TSPAN5: variants seen among roughly 807,000 people sequenced by gnomAD.
TSPAN5 encodes the protein tetraspanin-5.
Under a neutral mutation model 37.1 loss-of-function variants are expected in TSPAN5, and 10 were observed. The ratio of observed to expected loss-of-function variants is 0.27; its 90% CI spans 0.17 to 0.46. The LOEUF (loss-of-function observed/expected upper bound fraction) is 0.46. Ranked by LOEUF, TSPAN5 falls within the 20% of genes least tolerant of loss-of-function variation. TSPAN5 has a pLI of 1.00. For synonymous variants in TSPAN5, 110 were observed against 118.9 expected, an observed-to-expected ratio of 0.93 and a Z score of 0.48; for missense variants, 195 against 326.6, an observed-to-expected ratio of 0.60 and a Z score of 3.11.
intron 7 of TSPAN5, among the ~76,000 whole-genome samples, chr4:98,473,681 G>C (rs1025144896): frequency 2.0e-5 from 3 of 152,100 alleles, no homozygotes; most frequent in Admixed American, 6.5e-5. Context: ...GGATGGTCTC[G>C]ATCTCCTGAC....
intron 1 of TSPAN5, among the ~76,000 whole-genome samples, chr4:98,647,031 C>T (rs1413965851): frequency 1.3e-5 from 2 of 152,142 alleles, no homozygotes. Context: ...AGGTCACAAG[C>T]TTGGGAACAT....
intron 1 of TSPAN5, among the ~76,000 whole-genome samples, chr4:98,553,309 A>G (rs547318621): frequency 6.6e-6 from 1 of 152,340 alleles, no homozygotes; most frequent in East Asian, 1.9e-4. Flanking sequence ...TCAAGGCTAA[A>G]ACTCTAAATT....
chr4:98,628,800 T>A (rs1436224697), intron 1 of TSPAN5, among the ~76,000 whole-genome samples: 1 of 152,174 alleles, frequency 6.6e-6, no homozygotes, highest in Non-Finnish European at 1.5e-5. Context: ...TGCTGATATA[T>A]CAAAACTGAG....
chr4:98,521,307 A>C (rs770151666), intron 1 of TSPAN5, among the ~76,000 whole-genome samples: 39 of 152,322 alleles, frequency 2.6e-4, no homozygotes, highest in Non-Finnish European at 4.9e-4. Flanking sequence ...TGAAAGATTC[A>C]GTGTTTCTTT....
intron 3 of TSPAN5, among the ~76,000 whole-genome samples, chr4:98,485,762 CTTTTTTTTTT>C (rs766494512): frequency 1.2e-5 from 1 of 86,602 alleles, no homozygotes; most frequent in Non-Finnish European, 2.3e-5. Context: ...CTTGGATATG[CTTTTTTTTTT>C]TTTTTTTTTT....
At chr4:98,474,534 G>C (rs529795469) in intron 7 of TSPAN5, among the ~76,000 whole-genome samples, 1 of 151,746 alleles carries the variant, frequency 6.6e-6, no homozygotes, top group South Asian at 2.1e-4. Context: ...ATTTTGTAGA[G>C]ACAGGGTTTT....
At chr4:98,472,707 A>G in intron 7 of TSPAN5, 120 bp from the exon 8 acceptor site, 1 of 797,160 alleles carries the variant, frequency 1.3e-6, no homozygotes, top group Non-Finnish European at 2.0e-6. Context: ...CATATGTGGT[A>G]AAAAGCATCC....
chr4:98,507,755 T>C (rs200909785), intron 1 of TSPAN5, 27 bp from the exon 2 acceptor site: 2 of 1,565,432 alleles, frequency 1.3e-6, no homozygotes, highest in African/African-American at 1.4e-5. Flanking sequence ...GCAGTGTAAA[T>C]ATAAGGGAAA....
At chr4:98,592,448 T>TTTTTA (rs1755667937) in intron 1 of TSPAN5, among the ~76,000 whole-genome samples, 1 of 127,166 alleles carries the variant, frequency 7.9e-6, no homozygotes, top group African/African-American at 3.0e-5. Context: ...TTTTTTTTTT[T>TTTTTA]ATTATACTCT....
In TSPAN5 at chr4:98,612,991, C is replaced by T. The variant is rs147677915; in HGVS notation, c.81+45155G>A. ...ACAATTTACAATTATGGTTTTTTCC[C>T]CCTGCAGTGTTTATCATCTGGCTTC... is the stretch of plus-strand genomic sequence containing the variant. On this transcript the variant is annotated intron_variant, in intron 1 of 7. Transcript: ENST00000305798. Among the ~76,000 whole-genome samples, 608 of 152,186 alleles carry T rather than the reference C, an allele frequency of 4.0e-3. 4 individuals are homozygous for T. Among genetic ancestry groups the T allele is most frequent in the African/African-American group, 0.014 (578 of 41,516 alleles).
At chr4:98,563,714 CA>C (rs1284300909) in intron 1 of TSPAN5, among the ~76,000 whole-genome samples, 1 of 152,176 alleles carries the variant, frequency 6.6e-6, no homozygotes, top group Non-Finnish European at 1.5e-5. Flanking sequence ...GCTGTAATGG[CA>C]AAGAATGCTA....
rs535381459 is a variant in TSPAN5, at chr4:98,599,918, G to A, written c.81+58228C>T. On this transcript the variant is annotated intron_variant, in intron 1 of 7. Transcript: ENST00000305798. ...ACATACAAGTCTTTTTTGTGGACAT[G>A]TTTTAACTTATCTTGGGTAACTACT... Among the ~76,000 whole-genome samples the A allele has an allele frequency of 2.0e-5, 3 of 152,240 alleles. No individual in the cohort carries two copies. In the South Asian group the frequency reaches 6.2e-4, roughly 32 times the overall value.
intron 1 of TSPAN5, among the ~76,000 whole-genome samples, chr4:98,540,626 C>T (rs1754338089): frequency 6.6e-6 from 1 of 152,214 alleles, no homozygotes; most frequent in Admixed American, 6.5e-5. Context: ...ACGTGAGCCA[C>T]CGTGCCCAGC....
At chr4:98,514,109 T>C (rs1560518849) in intron 1 of TSPAN5, among the ~76,000 whole-genome samples, 1 of 152,260 alleles carries the variant, frequency 6.6e-6, no homozygotes, top group South Asian at 2.1e-4. Flanking sequence ...AATATCATCC[T>C]AAATAACAAT....
At chr4:98,512,754 C>T (rs986074861) in intron 1 of TSPAN5, among the ~76,000 whole-genome samples, 1 of 152,186 alleles carries the variant, frequency 6.6e-6, no homozygotes, top group Non-Finnish European at 1.5e-5. Flanking sequence ...GGCCATTCAT[C>T]CATTCATTTA....
intron 1 of TSPAN5, among the ~76,000 whole-genome samples, chr4:98,517,270 A>G (rs1037054622): frequency 2.0e-5 from 3 of 152,174 alleles, no homozygotes; most frequent in Non-Finnish European, 4.4e-5. Context: ...TTGCTGTGTA[A>G]GGAATATATA....
intron 1 of TSPAN5, among the ~76,000 whole-genome samples, chr4:98,584,429 G>A (rs969599952): frequency 1.3e-5 from 2 of 152,190 alleles, no homozygotes; most frequent in African/African-American, 4.8e-5. Context: ...ACTCAACTCT[G>A]TTTCCCAAGC....
chr4:98,649,893 G>A (rs946986829), intron 1 of TSPAN5, among the ~76,000 whole-genome samples: 17 of 152,152 alleles, frequency 1.1e-4, no homozygotes, highest in African/African-American at 2.9e-4. Context: ...GCAGAGCACC[G>A]TGACCAGGGC....
At chr4:98,493,651 A>C (rs1423806385) in intron 2 of TSPAN5, among the ~76,000 whole-genome samples, 1 of 152,196 alleles carries the variant, frequency 6.6e-6, no homozygotes, top group African/African-American at 2.4e-5. Context: ...AATACATTAA[A>C]ATTTTATTAG....
Sources: gnomAD v4.1 joint callset for allele counts (sites outside exome capture counted in the v4.1 genomes callset) on GRCh38, gnomAD v4.1.1 for gene constraint, MANE v1.5 for transcripts, NCBI Gene and HGNC (gene_info 2026-07-23, HGNC 2026-07-21) for gene names.